The following PDE1C variants were observed in gnomAD, a reference collection of about 807,000 sequenced individuals.
PDE1C encodes the protein dual specificity calcium/calmodulin-dependent 3',5'-cyclic nucleotide phosphodiesterase 1C.
In PDE1C, 62 loss-of-function variants were observed where a neutral mutation model predicts 93.1. The observed-to-expected ratio is 0.67, with a 90% CI of 0.54 to 0.82. The LOEUF (loss-of-function observed/expected upper bound fraction) is 0.82. Ranked by LOEUF, PDE1C falls within the 40% of genes least tolerant of loss-of-function variation. PDE1C has a pLI of 0.00. For synonymous variants in PDE1C, 325 were observed against 310.1 expected, an observed-to-expected ratio of 1.05 and a Z score of -0.50; for missense variants, 742 against 884.6, an observed-to-expected ratio of 0.84 and a Z score of 2.04.
At chr7:31,900,098 T>C (rs760759009) in intron 2 of PDE1C, among the ~76,000 whole-genome samples, 6 of 152,190 alleles carry the variant, frequency 3.9e-5, no homozygotes, top group Non-Finnish European at 7.3e-5. Context: ...ATTGGCTAAA[T>C]GTCTCTTTAA....
chr7:32,094,604 C>G (rs987401311), intron 3 of PDE1C, among the ~76,000 whole-genome samples: 1 of 152,188 alleles, frequency 6.6e-6, no homozygotes, highest in African/African-American at 2.4e-5. Flanking sequence ...AACCAAACAA[C>G]TAAATCTGAG....
At chr7:31,706,725 G>T in the PDE1C span, among the ~76,000 whole-genome samples, 3 of 152,170 alleles carry the variant, frequency 2.0e-5, no homozygotes. Context: ...AGGAAAAGCC[G>T]ACATTTACTT....
At chr7:31,652,778 C>T in the PDE1C span, 2 of 1,613,858 alleles carry the variant, frequency 1.2e-6, no homozygotes, top group Non-Finnish European at 1.7e-6. Flanking sequence ...TAGGTCCAAC[C>T]CCTTTGTCAA....
At chr7:31,964,111 A>C (rs1809491032) in intron 2 of PDE1C, among the ~76,000 whole-genome samples, 1 of 152,242 alleles carries the variant, frequency 6.6e-6, no homozygotes, top group African/African-American at 2.4e-5. Flanking sequence ...AAAGTGGGGC[A>C]AGACAGTGGG....
At chr7:31,739,863 A>C in the PDE1C span, among the ~76,000 whole-genome samples, 9 of 152,222 alleles carry the variant, frequency 5.9e-5, no homozygotes, top group Non-Finnish European at 1.3e-4. Flanking sequence ...CAGTCTGCAA[A>C]TGGGATTTGC....
At chr7:32,054,320 A>G (rs572923605) in intron 1 of PDE1C, among the ~76,000 whole-genome samples, 5 of 152,276 alleles carry the variant, frequency 3.3e-5, no homozygotes, top group African/African-American at 1.2e-4. Context: ...CACACTAGCT[A>G]TGAGACCTCA....
At chr7:32,059,524 G>A (rs569732516) in intron 1 of PDE1C, among the ~76,000 whole-genome samples, 6 of 152,086 alleles carry the variant, frequency 3.9e-5, no homozygotes, top group Non-Finnish European at 8.8e-5. Flanking sequence ...GCATCCCCTC[G>A]GCTGCCTGCA....
At chr7:31,931,544 C>T (rs1241530428) in intron 2 of PDE1C, among the ~76,000 whole-genome samples, 1 of 152,140 alleles carries the variant, frequency 6.6e-6, no homozygotes, top group Non-Finnish European at 1.5e-5. Flanking sequence ...AAGTGAAGGA[C>T]CTCTTCAAGG....
intron 2 of PDE1C, among the ~76,000 whole-genome samples, chr7:32,031,251 G>C (rs919178742): frequency 6.6e-6 from 1 of 152,136 alleles, no homozygotes; most frequent in Non-Finnish European, 1.5e-5. Context: ...ATCCAAAAGA[G>C]AGTATAATTT....
intron 12 of PDE1C, 36 bp from the exon 13 acceptor site, chr7:31,825,023 T>C (rs530892996): frequency 1.9e-6 from 3 of 1,611,960 alleles, no homozygotes; most frequent in Admixed American, 3.3e-5. Flanking sequence ...AGGAACCACA[T>C]ATTACCTTGG....
At chr7:31,829,841 C>A (rs923564710) in intron 11 of PDE1C, among the ~76,000 whole-genome samples, 8 of 152,168 alleles carry the variant, frequency 5.3e-5, no homozygotes, top group Non-Finnish European at 1.0e-4. Flanking sequence ...AAAGGAAGTG[C>A]ATTTATAACA....
At position 31,928,916 on chromosome 7, in the gene PDE1C, T is replaced by A. The variant is rs566040814; in HGVS notation, c.129-48056A>T. On this transcript the variant is annotated intron_variant, in intron 2 of 17. Coordinates refer to ENST00000396191, the MANE Select transcript of PDE1C (RefSeq NM_001191057.4). ...ATCAGCTAGCATCATGATGACAGGA[T>A]CAAATTCACACACAACAATATTAAC... Among the ~76,000 whole-genome samples, 88 of 152,232 alleles carry A rather than the reference T, an allele frequency of 5.8e-4. 1 individual carries two copies. The highest frequency in any genetic ancestry group is 2.0e-3 in the African/African-American group (85 of 41,524).
intron 1 of PDE1C, among the ~76,000 whole-genome samples, chr7:32,395,918 T>C (rs1203119153): frequency 6.6e-6 from 1 of 152,204 alleles, no homozygotes; most frequent in East Asian, 1.9e-4. Flanking sequence ...TCAAATTTAA[T>C]TTACAGGAAA....
chr7:31,839,255 T>C (rs1056594985), intron 9 of PDE1C, among the ~76,000 whole-genome samples: 1 of 150,446 alleles, frequency 6.6e-6, no homozygotes, highest in Non-Finnish European at 1.5e-5. Flanking sequence ...TATATATACA[T>C]ACATATATAC....
chr7:32,304,134 TA>T (rs1195792801), upstream of PDE1C, among the ~76,000 whole-genome samples: 2 of 152,196 alleles, frequency 1.3e-5, no homozygotes, highest in African/African-American at 4.8e-5. Flanking sequence ...AGGTATCTGC[TA>T]ATCTCCCGGG....
intron 7 of PDE1C, among the ~76,000 whole-genome samples, chr7:31,857,455 T>C (rs1202305622): frequency 1.3e-5 from 2 of 152,184 alleles, no homozygotes; most frequent in Admixed American, 6.5e-5. Flanking sequence ...GCAGATTTAT[T>C]TGGTTTCCAA....
rs73316175 is a variant in PDE1C at position 32,347,933 on chromosome 7, A to G, written c.310+79889T>C. Reference sequence around the variant, plus strand: ...GGAGACAATAAATGTAGTTGTTTTAAACACTATGTTTGTGATCATTTGTTA... The same window carrying G: ...GGAGACAATAAATGTAGTTGTTTTAGACACTATGTTTGTGATCATTTGTTA... On this transcript the variant is annotated intron_variant, in intron 1 of 1. Transcript: ENST00000672256. Among the ~76,000 whole-genome samples the G allele has an allele frequency of 1.1e-3, 165 of 152,316 alleles. 1 individual carries two copies. Among genetic ancestry groups the G allele is most frequent in the African/African-American group, 3.6e-3 (150 of 41,574 alleles).
At chr7:31,619,113 A>G in the PDE1C span, among the ~76,000 whole-genome samples, 1 of 152,168 alleles carries the variant, frequency 6.6e-6, no homozygotes, top group Non-Finnish European at 1.5e-5. Context: ...ATCTGTGTAT[A>G]TTAGTCACAA....
intron 5 of PDE1C, 137 bp from the exon 6 acceptor site, chr7:31,873,545 C>G (rs1221437082): frequency 6.1e-5 from 38 of 617,960 alleles, no homozygotes; most frequent in Non-Finnish European, 6.7e-5. Context: ...TTTCCACTCT[C>G]AAACTTTTTC....
Sources: gnomAD v4.1 joint callset for allele counts (sites outside exome capture counted in the v4.1 genomes callset) on GRCh38, gnomAD v4.1.1 for gene constraint, MANE v1.5 for transcripts, NCBI Gene and HGNC (gene_info 2026-07-23, HGNC 2026-07-21) for gene names.